Variants in IQGAP2 observed in about 807,000 individuals in gnomAD.
IQGAP2 encodes the protein ras GTPase-activating-like protein IQGAP2.
Under a neutral mutation model 201.3 loss-of-function variants are expected in IQGAP2, and 173 were observed. That is an observed-to-expected ratio of 0.86 (90% CI 0.76 to 0.98). The LOEUF (loss-of-function observed/expected upper bound fraction) is 0.98. Among genes scored for constraint, IQGAP2 ranks in the 50% least tolerant of loss-of-function variants. IQGAP2 has a pLI of 0.00. For synonymous variants in IQGAP2, 675 were observed against 673.9 expected (o/e 1.00, Z -0.03); for missense variants, 1,687 against 1,864.8 (o/e 0.90, Z 1.76).
rs548136415 is a variant in IQGAP2 at position 76,432,955 on chromosome 5, A to G, written c.47-28615A>G. ...TCCCTCCTTCCCTCAGCTTCCTCAC[A>G]TTTGTAAAATGGGATATTATTTAAG... On this transcript the variant is annotated intron_variant, in intron 1 of 35. Transcript: ENST00000274364. Among the ~76,000 whole-genome samples, 6 of 152,292 alleles carry G rather than the reference A, an allele frequency of 3.9e-5. No homozygotes were observed. In the South Asian group the frequency reaches 1.2e-3, roughly 32 times the overall value.
intron 2 of IQGAP2, among the ~76,000 whole-genome samples, chr5:76,462,701 A>G (rs1463216994): frequency 6.6e-6 from 1 of 152,202 alleles, no homozygotes; most frequent in Non-Finnish European, 1.5e-5. Flanking sequence ...ATGGCTATCT[A>G]CAGAACTAGA....
intron 1 of IQGAP2, among the ~76,000 whole-genome samples, chr5:76,411,404 C>T (rs1017830057): frequency 6.6e-6 from 1 of 152,104 alleles, no homozygotes; most frequent in Non-Finnish European, 1.5e-5. Flanking sequence ...TTTCTTTCTT[C>T]TGGGAAACAA....
At chr5:76,429,598 G>T (rs4585419) in intron 1 of IQGAP2, among the ~76,000 whole-genome samples, 2 of 117,674 alleles carry the variant, frequency 1.7e-5, no homozygotes, top group Non-Finnish European at 1.9e-5. Flanking sequence ...ATATATATAT[G>T]TATATTTATA....
At chr5:76,485,633 G>T (rs866306705) in intron 2 of IQGAP2, among the ~76,000 whole-genome samples, 10 of 152,288 alleles carry the variant, frequency 6.6e-5, no homozygotes, top group African/African-American at 2.4e-4. Context: ...GGCCACACAT[G>T]GGGAGTTGAA....
chr5:76,636,878 C>T (rs940272011), intron 15 of IQGAP2, among the ~76,000 whole-genome samples, 156 bp from the exon 16 acceptor site: 4 of 152,196 alleles, frequency 2.6e-5, no homozygotes, highest in African/African-American at 9.6e-5. Context: ...TTAAATACAT[C>T]GAATTCATTC....
At chr5:76,685,244 C>A (rs901042645) in intron 30 of IQGAP2, among the ~76,000 whole-genome samples, 2 of 152,076 alleles carry the variant, frequency 1.3e-5, no homozygotes, top group African/African-American at 4.8e-5. Context: ...AAAGTCTACA[C>A]CCTGGGTTCC....
chr5:76,639,560 C>T (rs186902248), intron 16 of IQGAP2, among the ~76,000 whole-genome samples: 21 of 152,134 alleles, frequency 1.4e-4, no homozygotes, highest in South Asian at 1.0e-3. Flanking sequence ...TGGATCCACG[C>T]GTCATAATAT....
At chr5:76,479,713 A>T (rs1755663088) in intron 2 of IQGAP2, among the ~76,000 whole-genome samples, 1 of 152,268 alleles carries the variant, frequency 6.6e-6, no homozygotes, top group South Asian at 2.1e-4. Context: ...GTTCTGCACA[A>T]ATAGATTTAA....
intron 2 of IQGAP2, among the ~76,000 whole-genome samples, chr5:76,484,625 A>G (rs1455422987): frequency 6.6e-6 from 1 of 152,174 alleles, no homozygotes; most frequent in Non-Finnish European, 1.5e-5. Context: ...CACGTTGTGC[A>G]CATGTACCCT....
chr5:76,564,568 G>A (rs748546912), intron 3 of IQGAP2, among the ~76,000 whole-genome samples: 14 of 152,170 alleles, frequency 9.2e-5, no homozygotes, highest in Admixed American at 2.6e-4. Flanking sequence ...ACCAGCTCAG[G>A]GCCCTCATGG....
chr5:76,478,414 T>A (rs1014591841), intron 2 of IQGAP2, among the ~76,000 whole-genome samples: 22 of 152,152 alleles, frequency 1.4e-4, no homozygotes, highest in African/African-American at 4.6e-4. Context: ...AAAAAATAAT[T>A]TAGCATACCC....
Position 76,683,838 on chromosome 5 carries a change from AC to A in IQGAP2, c.3828del (p.Glu1277ArgfsTer6). On this transcript the variant is annotated frameshift_variant, in exon 30 of 36. Coordinates refer to ENST00000274364, the MANE Select transcript of IQGAP2 (RefSeq NM_006633.5). LOFTEE classifies it high-confidence loss of function. The part of the protein sequence containing the change: ...KANTLSQLSK[T>X]EISLVLTSKY... ...AAATACACTAAGTCAGCTTTCAAAG[AC>A]CGAGATTTCTCTTGTCTTGACAAGC... 6.2e-7 allele frequency: 1 copy of A among 1,613,770 alleles called. No individual in the cohort carries two copies. The highest frequency in any genetic ancestry group is 8.5e-7 in the Non-Finnish European group (1 of 1,179,798).
intron 1 of IQGAP2, among the ~76,000 whole-genome samples, chr5:76,412,846 G>A (rs147652350): frequency 2.2e-4 from 33 of 152,350 alleles, no homozygotes; most frequent in African/African-American, 7.9e-4. Flanking sequence ...CTGGCAAGTT[G>A]TTTTAATTTC....
At chr5:76,438,043 T>TG (rs200127831) in intron 1 of IQGAP2, among the ~76,000 whole-genome samples, 1,858 of 131,908 alleles carry the variant, frequency 0.014, 51 homozygotes, top group African/African-American at 0.044. Flanking sequence ...TTGTTTTTTT[T>TG]TTTGTTTTTT....
intron 3 of IQGAP2, among the ~76,000 whole-genome samples, chr5:76,565,198 G>A (rs1401583975): frequency 6.6e-6 from 1 of 152,172 alleles, no homozygotes; most frequent in Non-Finnish European, 1.5e-5. Flanking sequence ...CTAAATCATG[G>A]GACTAAGGCA....
intron 30 of IQGAP2, among the ~76,000 whole-genome samples, chr5:76,685,010 G>T (rs1006689885): frequency 6.6e-6 from 1 of 152,124 alleles, no homozygotes; most frequent in African/African-American, 2.4e-5. Flanking sequence ...GTGTTCATGC[G>T]CTGGGCTTGA....
At chr5:76,527,713 C>A (rs1759052083) in intron 2 of IQGAP2, among the ~76,000 whole-genome samples, 1 of 152,178 alleles carries the variant, frequency 6.6e-6, no homozygotes, top group African/African-American at 2.4e-5. Context: ...ATCAATTTGA[C>A]AACTATGTGG....
chr5:76,518,888 G>C (rs1758500866), intron 2 of IQGAP2, among the ~76,000 whole-genome samples: 1 of 152,128 alleles, frequency 6.6e-6, no homozygotes, highest in Admixed American at 6.5e-5. Flanking sequence ...TAATGTGATT[G>C]AGTTTCAAGT....
At chr5:76,615,324 TCTTCTTGAAA>T (rs1748843088) in intron 13 of IQGAP2, among the ~76,000 whole-genome samples, 1 of 152,230 alleles carries the variant, frequency 6.6e-6, no homozygotes, top group African/African-American at 2.4e-5. Context: ...TAAGTTTCTA[TCTTCTTGAAA>T]CTTACTTTAG....
Sources: gnomAD v4.1 joint callset for allele counts (sites outside exome capture counted in the v4.1 genomes callset) on GRCh38, gnomAD v4.1.1 for gene constraint, MANE v1.5 for transcripts, NCBI Gene and HGNC (gene_info 2026-07-23, HGNC 2026-07-21) for gene names.